The following INTS10 variants were observed in gnomAD, a reference collection of about 807,000 sequenced individuals.
The protein encoded by INTS10 is chromosome 8 open reading frame 35.
Under a neutral mutation model 94.4 loss-of-function variants are expected in INTS10, and 44 were observed. The observed-to-expected ratio is 0.47, with a 90% CI of 0.37 to 0.60. INTS10 has a LOEUF of 0.60. Ranked by LOEUF, INTS10 falls within the 20% of genes least tolerant of loss-of-function variation. INTS10 has a pLI of 0.00. For synonymous variants in INTS10, 341 were observed against 320.7 expected (o/e 1.06, Z -0.68); for missense variants, 797 against 868.7 (o/e 0.92, Z 1.04).
intron 6 of INTS10, among the ~76,000 whole-genome samples, chr8:19,823,648 G>C (rs2066562523): frequency 6.6e-6 from 1 of 152,162 alleles, no homozygotes; most frequent in Non-Finnish European, 1.5e-5. Context: ...TTCTGGCTGA[G>C]CTGTAATGTT....
In INTS10 at chr8:19,820,274, A is replaced by T. The variant is rs528949229; in HGVS notation, c.302-105A>T. 11 of 1,068,204 alleles carry T rather than the reference A, an allele frequency of 1.0e-5. No homozygotes were observed. In the African/African-American group the frequency reaches 1.8e-4, roughly 17 times the overall value. The allele number at this position is 1,068,204 out of a possible 1,614,324, so 66.2% of individuals were successfully genotyped here. On this transcript the variant is annotated intron_variant, in intron 3 of 16. Transcript: ENST00000397977. ...TGAAACTTAACTGCATTGATTTCAC[A>T]TGTAGTGTTTACTGTTCTGTACATG...
intron 4 of INTS10, 41 bp downstream of exon 4, chr8:19,820,559 A>G (rs201323931): frequency 1.3e-6 from 2 of 1,570,616 alleles, no homozygotes; most frequent in East Asian, 2.3e-5. Flanking sequence ...ATAAAATACA[A>G]TGGGTCATCA....
In INTS10 at chr8:19,851,282, T is replaced by G. The variant is rs2069014779; in HGVS notation, c.1977-367T>G. 6.6e-6 allele frequency among the ~76,000 whole-genome samples: 1 copy of G among 152,140 alleles called. No homozygotes were observed. The highest frequency in any genetic ancestry group is 2.1e-4 in the South Asian group (1 of 4,834). ...TCTGCTGGCCGGGCTGGACATGAGC[T>G]CTTTGTAGCCAGTGTGGACTGGACC... On this transcript the variant is annotated intron_variant, in intron 16 of 16. Coordinates refer to ENST00000397977, the MANE Select transcript of INTS10 (RefSeq NM_018142.4). The surrounding 1 kb of genome is among the most constrained non-coding windows in gnomAD (Gnocchi z 5.0).
chr8:19,833,209 C>T lies in INTS10; in HGVS notation c.1418C>T (p.Ala473Val). The change falls in exon 12 of 17, where the codon GCA becomes GTA. Residue 473 changes from alanine (A) to valine (V), a missense_variant. By Grantham distance (64) the Ala-to-Val change is moderately conservative. Transcript: ENST00000397977. ...GCGATAGCCAGCCTGCATCACTTAGCAGCTCTCCAGGGATCCATTTCTCAG... is the reference window on the plus strand; with the variant it reads ...GCGATAGCCAGCCTGCATCACTTAGTAGCTCTCCAGGGATCCATTTCTCAG... ...KKAIASLHHL[A>V]ALQGSISQPQ... 3 of 1,611,616 alleles carry T rather than the reference C, an allele frequency of 1.9e-6. No individual in the cohort carries two copies. Among genetic ancestry groups the T allele is most frequent in the Non-Finnish European group, 2.5e-6 (3 of 1,178,834 alleles).
intron 16 of INTS10, among the ~76,000 whole-genome samples, chr8:19,850,492 TTTTTC>T (rs1395135159): frequency 6.6e-6 from 1 of 152,200 alleles, no homozygotes; most frequent in African/African-American, 2.4e-5. Flanking sequence ...CTGGATTTTT[TTTTTC>T]TTTTCATCTG....
chr8:19,820,237 C>A, intron 3 of INTS10, 142 bp from the exon 4 acceptor site: 1 of 670,070 alleles, frequency 1.5e-6, no homozygotes. Flanking sequence ...CAAAAGGCTG[C>A]CAGGTTGTAG....
chr8:19,818,246 G>A (rs373220969), intron 1 of INTS10, 29 bp from the exon 2 acceptor site: 18 of 1,612,712 alleles, frequency 1.1e-5, no homozygotes, highest in Admixed American at 1.7e-5. Flanking sequence ...GCAGGGGTGA[G>A]TGACCAGGGT....
chr8:19,820,342 G>T (rs372146231), intron 3 of INTS10, 37 bp from the exon 4 acceptor site: 4 of 1,580,306 alleles, frequency 2.5e-6, no homozygotes, highest in South Asian at 1.1e-5. Context: ...TTTTCTGTCC[G>T]CAAGAAACTT....
At chr8:19,823,174 C>T (rs755896271) in intron 5 of INTS10, 127 bp from the exon 6 acceptor site, 30 of 693,498 alleles carry the variant, frequency 4.3e-5, no homozygotes, top group Middle Eastern at 6.6e-4. Context: ...ATACATGAGT[C>T]ATAAGGGATT....
chr8:19,840,874 A>T (rs1053708734), intron 13 of INTS10, among the ~76,000 whole-genome samples: 4 of 152,220 alleles, frequency 2.6e-5, no homozygotes, highest in African/African-American at 9.6e-5. Context: ...TCTAAGGTGT[A>T]CAACTAGGAG....
chr8:19,820,768 T>G (rs1216383900), intron 4 of INTS10, among the ~76,000 whole-genome samples: 5 of 152,238 alleles, frequency 3.3e-5, no homozygotes, highest in Non-Finnish European at 7.3e-5. Flanking sequence ...GCAATCCATA[T>G]GGTAAAAAGT....
At position 19,843,403 on chromosome 8, in the gene INTS10, C is replaced by T. The variant is rs1169615127; in HGVS notation, c.1719+476C>T. Among the ~76,000 whole-genome samples the T allele has an allele frequency of 6.6e-6, 1 of 152,144 alleles. No homozygotes were observed. Among genetic ancestry groups the T allele is most frequent in the Non-Finnish European group, 1.5e-5 (1 of 68,036 alleles). On this transcript the variant is annotated intron_variant, in intron 14 of 16. Transcript: ENST00000397977. This position sits in a 1 kb window ranked among gnomAD's most constrained non-coding sequence, Gnocchi z 4.7. ...CCAAGGCCCTTGGCTACAGGTAGAG[C>T]AGAGCCTTAGAGCAGGGAGGCTTCA...
At chr8:19,832,508 T>C (rs2067307266) in intron 11 of INTS10, among the ~76,000 whole-genome samples, 1 of 152,134 alleles carries the variant, frequency 6.6e-6, no homozygotes, top group African/African-American at 2.4e-5. Context: ...AAGTCAAGAC[T>C]GCACTGAACC....
Position 19,817,606 on chromosome 8 carries a change from G to C in INTS10, c.69G>C (p.Trp23Cys). 1.2e-6 allele frequency: 2 copies of C among 1,608,684 alleles called. No homozygotes were observed. Among genetic ancestry groups the C allele is most frequent in the Non-Finnish European group, 1.7e-6 (2 of 1,178,140 alleles). ...GGGAGTTGGTGCCGCAAGACCTGTGGGCAGCCAAGGCGTGGCTGATCACGG... is the reference window on the plus strand; with the variant it reads ...GGGAGTTGGTGCCGCAAGACCTGTGCGCAGCCAAGGCGTGGCTGATCACGG... Reference protein sequence around the residue: ...RARELVPQDLWAAKAWLITAR... With the variant: ...RARELVPQDLCAAKAWLITAR... Residue 23 changes from tryptophan (W) to cysteine (C), a missense_variant, in exon 1 of 17, where the codon TGG (tryptophan) becomes TGC (cysteine). Coordinates refer to ENST00000397977, the MANE Select transcript of INTS10 (RefSeq NM_018142.4).
At position 19,844,251 on chromosome 8, in the gene INTS10, C is replaced by G; in HGVS notation, c.1882+13C>G. 1 of 1,565,942 alleles carries G rather than the reference C, an allele frequency of 6.4e-7. No individual in the cohort carries two copies. ...AATTACGTTACAAGTATCCTTTTTT[C>G]TTGTTTAAGCATAACACATTCTGAT... On this transcript the variant is annotated intron_variant, in intron 15 of 16. Coordinates refer to ENST00000397977, the MANE Select transcript of INTS10 (RefSeq NM_018142.4).
At chr8:19,841,201 A>C (rs1445395554) in intron 13 of INTS10, among the ~76,000 whole-genome samples, 1 of 152,172 alleles carries the variant, frequency 6.6e-6, no homozygotes, top group East Asian at 1.9e-4. Context: ...AAAAAATGAG[A>C]TCCCCTCCTT....
At chr8:19,844,308 A>G in intron 15 of INTS10, 70 bp downstream of exon 15, 2 of 1,142,762 alleles carry the variant, frequency 1.8e-6, no homozygotes, top group Non-Finnish European at 2.5e-6. Flanking sequence ...ATAGAAAAAG[A>G]ATGAACCATT....
chr8:19,844,896 T>G (rs1273838640), intron 15 of INTS10, among the ~76,000 whole-genome samples: 1 of 152,128 alleles, frequency 6.6e-6, no homozygotes, highest in East Asian at 1.9e-4. Context: ...TAGTTTTTAT[T>G]TTTATTTTGT....
chr8:19,817,810 C>T (rs576430808), intron 1 of INTS10, 144 bp downstream of exon 1: 20 of 1,058,214 alleles, frequency 1.9e-5, no homozygotes, highest in East Asian at 1.8e-4. Context: ...ACCCCCTCCT[C>T]TCTCCCCTCC....
Sources: gnomAD v4.1 joint callset for allele counts (sites outside exome capture counted in the v4.1 genomes callset) on GRCh38, gnomAD v4.1.1 for gene constraint, Gnocchi (gnomAD v3.1) non-coding constraint, MANE v1.5 for transcripts, NCBI Gene and HGNC (gene_info 2026-07-23, HGNC 2026-07-21) for gene names.